Variants in IMMP2L observed in about 807,000 individuals in gnomAD.
IMMP2L encodes the protein inner mitochondrial membrane peptidase subunit 2, also known as mitochondrial inner membrane protease subunit 2.
A neutral mutation model predicts 19.3 loss-of-function variants in IMMP2L; 18 were observed. That is an observed-to-expected ratio of 0.93 (90% CI 0.64 to 1.38). The LOEUF (loss-of-function observed/expected upper bound fraction) is 1.38, where lower values mean the gene tolerates loss of function less well. IMMP2L is among the 40% of genes most tolerant of loss of function. The pLI is 0.00. For missense variants in IMMP2L, 233 were observed against 218.2 expected (o/e 1.07, Z -0.43); for synonymous variants, 76 against 73.0 (o/e 1.04, Z -0.21).
intron 3 of IMMP2L, among the ~76,000 whole-genome samples, chr7:111,209,657 T>C (rs958703570): frequency 2.0e-5 from 3 of 152,128 alleles, no homozygotes; most frequent in Non-Finnish European, 4.4e-5. Flanking sequence ...CAAATGACTT[T>C]TTCAAAAACA....
chr7:111,428,632 T>A lies in IMMP2L; in HGVS notation c.239+58606A>T, dbSNP rs549817482. 2.0e-5 allele frequency among the ~76,000 whole-genome samples: 3 copies of A among 151,958 alleles called. No individual in the cohort carries two copies. In the East Asian group the frequency reaches 5.8e-4, roughly 29 times the overall value. On this transcript the variant is annotated intron_variant, in intron 3 of 5. Coordinates refer to ENST00000405709, the MANE Select transcript of IMMP2L (RefSeq NM_032549.4). ...TCACGAAAGAAATCTAACTCTGCTT[T>A]ACTGACAATGCAGTTTATTTTAAAA...
At chr7:111,440,600 G>T (rs942056217) in intron 3 of IMMP2L, among the ~76,000 whole-genome samples, 1 of 151,830 alleles carries the variant, frequency 6.6e-6, no homozygotes, top group African/African-American at 2.4e-5. Flanking sequence ...ATAGAGCACA[G>T]TCAGAGCATA....
At position 111,041,321 on chromosome 7, in the gene IMMP2L, G is replaced by C. The variant is rs10235471; in HGVS notation, c.240-77756C>G. ...ATCAACTAAATTTGTTTCACAAAAT[G>C]AGTAAAAATATGTGTAAATAAAAAG... On this transcript the variant is annotated intron_variant, in intron 3 of 5. Coordinates refer to ENST00000405709, the MANE Select transcript of IMMP2L (RefSeq NM_032549.4). Among the ~76,000 whole-genome samples, 1,499 of 152,136 alleles carry C rather than the reference G, an allele frequency of 9.9e-3. 22 individuals carry two copies. Among genetic ancestry groups the C allele is most frequent in the African/African-American group, 0.033 (1,386 of 41,498 alleles).
At chr7:111,491,280 A>T (rs1843077625) in intron 2 of IMMP2L, among the ~76,000 whole-genome samples, 1 of 152,136 alleles carries the variant, frequency 6.6e-6, no homozygotes, top group Admixed American at 6.6e-5. Context: ...TCTGGTCAGG[A>T]GCAGACTATT....
intron 4 of IMMP2L, among the ~76,000 whole-genome samples, chr7:110,947,327 G>T (rs1163559128): frequency 1.3e-5 from 2 of 152,060 alleles, no homozygotes; most frequent in African/African-American, 2.4e-5. Context: ...ATTATTTTTT[G>T]AAAGTCATGT....
At position 111,435,728 on chromosome 7, in the gene IMMP2L, A is replaced by G. The variant is rs147320101; in HGVS notation, c.239+51510T>C. ...CGATTTTAATATCCCAAAATACAGG[A>G]AAAAAAACTATGAGCTACAAATTAT... On this transcript the variant is annotated intron_variant, in intron 3 of 5. Transcript: ENST00000405709. Among the ~76,000 whole-genome samples, 329 of 151,860 alleles carry G rather than the reference A, an allele frequency of 2.2e-3. 10 individuals are homozygous for G. Among genetic ancestry groups the G allele is most frequent in the African/African-American group, 7.5e-3 (309 of 41,196 alleles).
intron 3 of IMMP2L, among the ~76,000 whole-genome samples, chr7:111,012,982 A>T (rs2129563983): frequency 6.6e-6 from 1 of 152,284 alleles, no homozygotes; most frequent in South Asian, 2.1e-4. Context: ...ATTGTACTGC[A>T]TACCTGACGT....
chr7:111,102,689 A>G (rs1798101983), intron 3 of IMMP2L, among the ~76,000 whole-genome samples: 1 of 151,552 alleles, frequency 6.6e-6, no homozygotes, highest in Non-Finnish European at 1.5e-5. Context: ...TTTCATACCT[A>G]TCTAAAAAAT....
intron 3 of IMMP2L, among the ~76,000 whole-genome samples, chr7:111,160,698 GAT>G (rs996318357): frequency 1.3e-5 from 2 of 148,730 alleles, no homozygotes; most frequent in Admixed American, 6.7e-5. Context: ...TAATAACAAA[GAT>G]ATGAATAAAA....
intron 5 of IMMP2L, among the ~76,000 whole-genome samples, chr7:110,857,753 T>C (rs901368279): frequency 1.3e-5 from 2 of 152,080 alleles, no homozygotes; most frequent in Admixed American, 1.3e-4. Flanking sequence ...TCTGTGGATA[T>C]TCATACAACT....
intron 2 of IMMP2L, among the ~76,000 whole-genome samples, chr7:111,493,746 G>A (rs1309908912): frequency 2.7e-5 from 4 of 149,724 alleles, no homozygotes; most frequent in South Asian, 2.1e-4. Context: ...GGTGGTTCAC[G>A]CCTGTAATCC....
At position 110,682,290 on chromosome 7, in the gene IMMP2L, G is replaced by C. The variant is rs72603551; in HGVS notation, c.409-18569C>G. On this transcript the variant is annotated intron_variant, in intron 5 of 5. Coordinates refer to ENST00000405709, the MANE Select transcript of IMMP2L (RefSeq NM_032549.4). ...CCTACATGCCACCTCCTTCTGGAAG[G>C]CTTCCATGACCTCTTCCCAGTTTCA... 3.9e-5 allele frequency among the ~76,000 whole-genome samples: 6 copies of C among 152,186 alleles called. No homozygotes were observed. The East Asian group carries it at 1.2e-3, about 30-fold the overall frequency.
intron 3 of IMMP2L, among the ~76,000 whole-genome samples, chr7:111,171,678 A>C (rs1806465152): frequency 6.6e-6 from 1 of 151,570 alleles, no homozygotes; most frequent in Non-Finnish European, 1.5e-5. Context: ...AAATTTACCA[A>C]CATTCTAATC....
intron 5 of IMMP2L, among the ~76,000 whole-genome samples, chr7:110,795,268 G>C (rs569645763): frequency 2.0e-4 from 31 of 152,122 alleles, no homozygotes; most frequent in African/African-American, 7.2e-4. Flanking sequence ...CAAGCTAGTA[G>C]GTTTTCCTAG....
chr7:111,323,310 C>G (rs1489821849), intron 3 of IMMP2L, among the ~76,000 whole-genome samples: 2 of 151,760 alleles, frequency 1.3e-5, no homozygotes, highest in Admixed American at 1.3e-4. Flanking sequence ...AACAAAAAAC[C>G]CCATCAAAAA....
chr7:111,163,781 T>A lies in IMMP2L; in HGVS notation c.240-200216A>T, dbSNP rs578086576. On this transcript the variant is annotated intron_variant, in intron 3 of 5. Transcript: ENST00000405709. ...TCCAAGGGAAGGTTTTTTAGGGAAT[T>A]CGGTCTATAATCCAATAGTCTGATA... 7.9e-5 allele frequency among the ~76,000 whole-genome samples: 12 copies of A among 152,192 alleles called. No individual in the cohort carries two copies. The South Asian group carries it at 2.3e-3, about 29-fold the overall frequency.
At chr7:111,018,604 C>G (rs1053575545) in intron 3 of IMMP2L, among the ~76,000 whole-genome samples, 5 of 152,034 alleles carry the variant, frequency 3.3e-5, no homozygotes, top group African/African-American at 9.7e-5. Flanking sequence ...TCATTTAATA[C>G]TCAACCCCTA....
chr7:111,006,257 CA>C (rs1824279843), intron 3 of IMMP2L, among the ~76,000 whole-genome samples: 1 of 152,064 alleles, frequency 6.6e-6, no homozygotes, highest in Non-Finnish European at 1.5e-5. Context: ...ATTCTGAAGA[CA>C]ACTCTTGACT....
At chr7:110,788,687 C>T (rs775170744) in intron 5 of IMMP2L, among the ~76,000 whole-genome samples, 11 of 151,606 alleles carry the variant, frequency 7.3e-5, no homozygotes, top group East Asian at 1.9e-4. Context: ...ATGCCAAAAT[C>T]GAATTAATTT....
Sources: allele counts gnomAD v4.1 joint callset (sites outside exome capture counted in the v4.1 genomes callset), GRCh38; gene constraint gnomAD v4.1.1; transcripts MANE v1.5; gene names NCBI Gene and HGNC (gene_info 2026-07-23, HGNC 2026-07-21).